TRHDE: variants seen among roughly 807,000 people sequenced by gnomAD.
TRHDE encodes thyrotropin-releasing hormone-degrading ectoenzyme.
Under a neutral mutation model 125.7 loss-of-function variants are expected in TRHDE, and 72 were observed. That is an observed-to-expected ratio of 0.57 (90% CI 0.47 to 0.70). The LOEUF (loss-of-function observed/expected upper bound fraction) is 0.70, where lower values mean the gene tolerates loss of function less well. Ranked by LOEUF, TRHDE falls within the 30% of genes least tolerant of loss-of-function variation. TRHDE has a pLI of 0.00. For missense variants in TRHDE, 1,110 were observed against 1,327.1 expected, an observed-to-expected ratio of 0.84 and a Z score of 2.54; for synonymous variants, 509 against 509.1, an observed-to-expected ratio of 1.00 and a Z score of 0.00.
intron 1 of TRHDE, among the ~76,000 whole-genome samples, chr12:72,088,158 A>G (rs1236634590): frequency 1.3e-5 from 2 of 152,214 alleles, no homozygotes; most frequent in Non-Finnish European, 2.9e-5. Context: ...CCAGCAGTGG[A>G]AAAGTGGCTG....
intron 3 of TRHDE, among the ~76,000 whole-genome samples, chr12:72,465,565 T>C (rs1211999693): frequency 1.3e-5 from 2 of 152,182 alleles, no homozygotes; most frequent in Admixed American, 6.5e-5. Context: ...TTTTTATTGC[T>C]GAGTAGTATT....
chr12:72,410,223 T>C (rs1016530473), intron 3 of TRHDE, among the ~76,000 whole-genome samples: 2 of 151,862 alleles, frequency 1.3e-5, no homozygotes, highest in Non-Finnish European at 2.9e-5. Context: ...ATATATATAT[T>C]AATAGTATTT....
At chr12:72,521,070 C>G (rs1270309246) in intron 6 of TRHDE, among the ~76,000 whole-genome samples, 2 of 152,132 alleles carry the variant, frequency 1.3e-5, no homozygotes, top group East Asian at 3.9e-4. Flanking sequence ...AAATTCTGCC[C>G]TGTGTGTGAT....
intron 9 of TRHDE, among the ~76,000 whole-genome samples, chr12:72,568,157 A>C (rs1277259736): frequency 1.3e-5 from 2 of 152,074 alleles, no homozygotes; most frequent in African/African-American, 4.8e-5. Flanking sequence ...AAATAAGGAG[A>C]ATATTAAAAT....
At chr12:72,433,979 A>G (rs573132955) in intron 3 of TRHDE, among the ~76,000 whole-genome samples, 12 of 152,272 alleles carry the variant, frequency 7.9e-5, no homozygotes, top group African/African-American at 2.6e-4. Context: ...AGCTCCGTGT[A>G]CCTGCCTGTT....
At chr12:72,260,525 A>C (rs1878926141) in intron 2 of TRHDE, among the ~76,000 whole-genome samples, 1 of 152,142 alleles carries the variant, frequency 6.6e-6, no homozygotes. Context: ...GCAGTGAGCA[A>C]ATTTAATGCC....
chr12:72,502,441 T>A (rs1878195776), intron 6 of TRHDE, among the ~76,000 whole-genome samples: 1 of 152,128 alleles, frequency 6.6e-6, no homozygotes, highest in East Asian at 1.9e-4. Context: ...TTATTTAGAT[T>A]ACAAATATTA....
In TRHDE at chr12:72,294,704, C is replaced by T. The variant is rs572009216; in HGVS notation, c.1188+7750C>T. 3.3e-5 allele frequency among the ~76,000 whole-genome samples: 5 copies of T among 152,210 alleles called. No individual in the cohort carries two copies. In the East Asian group the frequency reaches 9.8e-4, roughly 30 times the overall value. On this transcript the variant is annotated intron_variant, in intron 2 of 18. Transcript: ENST00000261180. ...TGTTCCCTGCTCACTGGGGACCCGC[C>T]CCCTTCCACCCAGGAATCTTTCTGC...
chr12:72,472,679 T>C (rs1876705058), intron 4 of TRHDE, among the ~76,000 whole-genome samples: 1 of 152,242 alleles, frequency 6.6e-6, no homozygotes, highest in Non-Finnish European at 1.5e-5. Context: ...TTACCCATGC[T>C]AATTTCCGTT....
Position 72,361,421 on chromosome 12 carries a change from C to G in TRHDE, c.1189-16574C>G, listed in dbSNP as rs372121384. Among the ~76,000 whole-genome samples the G allele has an allele frequency of 1.6e-4, 24 of 151,356 alleles. 1 individual carries two copies. The East Asian group carries it at 3.3e-3, about 21-fold the overall frequency. On this transcript the variant is annotated intron_variant, in intron 2 of 18. Transcript: ENST00000261180. The stretch of plus-strand genomic sequence containing the variant: ...ATTTGATACATTTGTTGGAAAGATG[C>G]AATAAAGTGTAAAAGATAAAAAATA...
chr12:72,304,961 C>T (rs962636613), intron 2 of TRHDE, among the ~76,000 whole-genome samples: 3 of 151,992 alleles, frequency 2.0e-5, no homozygotes, highest in African/African-American at 7.2e-5. Context: ...CTTAATGTCC[C>T]ACGTGTCTGT....
intron 10 of TRHDE, among the ~76,000 whole-genome samples, chr12:72,572,529 G>A (rs1173247474): frequency 6.6e-6 from 1 of 151,712 alleles, no homozygotes; most frequent in Non-Finnish European, 1.5e-5. Flanking sequence ...AACATTTTAG[G>A]GATATAATTA....
chr12:72,557,389 A>G (rs1283215539), intron 7 of TRHDE, among the ~76,000 whole-genome samples: 3 of 152,180 alleles, frequency 2.0e-5, no homozygotes, highest in Non-Finnish European at 4.4e-5. Flanking sequence ...CCTACTTATG[A>G]TAGGAAAGAA....
chr12:72,492,061 G>T (rs1375933801), intron 5 of TRHDE, among the ~76,000 whole-genome samples: 2 of 151,976 alleles, frequency 1.3e-5, no homozygotes, highest in African/African-American at 4.8e-5. Context: ...TCTTCTGTAT[G>T]TAAGTGTGTT....
chr12:72,393,042 G>A (rs562990843), intron 3 of TRHDE, among the ~76,000 whole-genome samples: 1 of 151,864 alleles, frequency 6.6e-6, no homozygotes, highest in Non-Finnish European at 1.5e-5. Flanking sequence ...TATATATACT[G>A]ATTGAATGCT....
At chr12:72,443,671 G>A (rs1875132926) in intron 3 of TRHDE, among the ~76,000 whole-genome samples, 1 of 151,630 alleles carries the variant, frequency 6.6e-6, no homozygotes, top group African/African-American at 2.4e-5. Context: ...ATAATGTATT[G>A]TGACAATATG....
At chr12:72,109,957 G>A (rs1337272220) in intron 2 of TRHDE, among the ~76,000 whole-genome samples, 4 of 152,112 alleles carry the variant, frequency 2.6e-5, no homozygotes, top group South Asian at 2.1e-4. Flanking sequence ...ACTTTCCTTC[G>A]AATTATACAT....
intron 12 of TRHDE, among the ~76,000 whole-genome samples, chr12:72,576,694 C>T (rs1871011962): frequency 6.6e-6 from 1 of 152,016 alleles, no homozygotes; most frequent in Non-Finnish European, 1.5e-5. Context: ...TCCCTTATTG[C>T]TACTAAAGAA....
At chr12:72,144,244 TG>T (rs1365916036) in intron 2 of TRHDE, among the ~76,000 whole-genome samples, 20 of 152,332 alleles carry the variant, frequency 1.3e-4, no homozygotes, top group African/African-American at 4.8e-4. Context: ...AGTGGGTCAG[TG>T]TTTTTTGCCA....
Sources: gnomAD v4.1 joint callset for allele counts (sites outside exome capture counted in the v4.1 genomes callset) on GRCh38, gnomAD v4.1.1 for gene constraint, MANE v1.5 for transcripts, NCBI Gene and HGNC (gene_info 2026-07-23, HGNC 2026-07-21) for gene names.